BLTP2: variants seen among roughly 807,000 people sequenced by gnomAD.
BLTP2 encodes U937-associated antigen.
chr17:28,639,555 T>C, the BLTP2 span: 1 of 1,613,784 alleles, frequency 6.2e-7, no homozygotes, highest in Non-Finnish European at 8.5e-7. Flanking sequence ...GAACAATTCT[T>C]GGTACCACAA....
the BLTP2 span, chr17:28,643,667 A>C: frequency 6.2e-7 from 1 of 1,613,994 alleles, no homozygotes. Context: ...TTCCTAAAAC[A>C]GTGAGGGAGA....
the BLTP2 span, chr17:28,634,650 G>A: frequency 2.2e-5 from 36 of 1,614,082 alleles, no homozygotes; most frequent in Non-Finnish European, 3.0e-5. Flanking sequence ...CATGGAAGGA[G>A]GCATCTGCCA....
the BLTP2 span, chr17:28,631,464 T>C: frequency 3.7e-6 from 6 of 1,609,786 alleles, no homozygotes; most frequent in Admixed American, 1.7e-5. Flanking sequence ...ATAAAGAAAG[T>C]GTGTCAGGGA....
chr17:28,639,100 C>G, the BLTP2 span: 1 of 587,444 alleles, frequency 1.7e-6, no homozygotes, highest in Middle Eastern at 3.9e-4. Context: ...AAACACTACA[C>G]TGAGCACCGA....
the BLTP2 span, among the ~76,000 whole-genome samples, chr17:28,628,961 G>C: frequency 3.3e-5 from 5 of 151,682 alleles, no homozygotes; most frequent in Admixed American, 1.3e-4. Context: ...CACTGGGCGT[G>C]GTGGGGAGAC....
the BLTP2 span, chr17:28,635,754 G>T: frequency 2.5e-6 from 2 of 784,344 alleles, no homozygotes; most frequent in Non-Finnish European, 3.9e-6. Flanking sequence ...TTACTGCCTT[G>T]CTTTGTTCCT....
chr17:28,643,392 C>T, the BLTP2 span: 1 of 1,558,368 alleles, frequency 6.4e-7, no homozygotes, highest in Non-Finnish European at 8.8e-7. Context: ...TTCACTTTCT[C>T]ATCCTTCCTA....
chr17:28,614,461 CTT>C, the BLTP2 span: 12 of 420,508 alleles, frequency 2.9e-5, no homozygotes, highest in African/African-American at 1.4e-4. Context: ...TTTAAAATAT[CTT>C]TTTTTTTCTC....
chr17:28,644,749 G>A, the BLTP2 span, among the ~76,000 whole-genome samples: 1 of 152,180 alleles, frequency 6.6e-6, no homozygotes, highest in Non-Finnish European at 1.5e-5. Flanking sequence ...CCTGGCCTCA[G>A]CATTTCCTCA....
At chr17:28,644,373 C>A in the BLTP2 span, among the ~76,000 whole-genome samples, 5 of 152,256 alleles carry the variant, frequency 3.3e-5, no homozygotes, top group Non-Finnish European at 5.9e-5. Flanking sequence ...TAGCTCCCGA[C>A]TGACCCCTCC....
the BLTP2 span, among the ~76,000 whole-genome samples, chr17:28,629,468 TTTTA>T: frequency 3.9e-5 from 6 of 151,996 alleles, no homozygotes; most frequent in East Asian, 1.9e-4. Flanking sequence ...TTTATTTATT[TTTTA>T]TTTATTTATT....
chr17:28,616,585 ATTC>A, the BLTP2 span: 15 of 1,614,004 alleles, frequency 9.3e-6, no homozygotes, highest in Non-Finnish European at 1.3e-5. The surrounding 1 kb of genome is among the most constrained non-coding windows in gnomAD (Gnocchi z 4.8). Flanking sequence ...TTGCTACCCT[ATTC>A]TTCTGGGGCT....
chr17:28,641,994 T>A, the BLTP2 span: 1 of 1,614,088 alleles, frequency 6.2e-7, no homozygotes, highest in Non-Finnish European at 8.5e-7. Context: ...ACATCCACAG[T>A]GATAGCAGTG....
chr17:28,643,723 A>G, the BLTP2 span: 51 of 1,468,438 alleles, frequency 3.5e-5, no homozygotes, highest in African/African-American at 6.3e-4. Flanking sequence ...CAGCTTGACA[A>G]GCCAGGAAAT....
chr17:28,631,702 G>A, the BLTP2 span: 7 of 1,613,444 alleles, frequency 4.3e-6, no homozygotes, highest in Admixed American at 1.2e-4. Flanking sequence ...GAGGCACACA[G>A]AGACCATGCT....
the BLTP2 span, chr17:28,640,176 C>G: frequency 1.2e-6 from 1 of 804,740 alleles, no homozygotes; most frequent in Non-Finnish European, 1.9e-6. Flanking sequence ...AGGGGGATCA[C>G]GAGGTCAGGA....
At chr17:28,643,012 C>T in the BLTP2 span, 13 of 1,526,208 alleles carry the variant, frequency 8.5e-6, no homozygotes, top group Non-Finnish European at 1.2e-5. Context: ...CAAGGATGAA[C>T]AATAATTAAT....
the BLTP2 span, among the ~76,000 whole-genome samples, chr17:28,626,900 T>C: frequency 6.6e-6 from 1 of 152,064 alleles, no homozygotes; most frequent in Non-Finnish European, 1.5e-5. Context: ...AAGGAGGGGG[T>C]TGTGGGAACC....
At chr17:28,623,164 AG>A in the BLTP2 span, among the ~76,000 whole-genome samples, 1 of 152,168 alleles carries the variant, frequency 6.6e-6, no homozygotes, top group Non-Finnish European at 1.5e-5. Context: ...AAAAAATAAG[AG>A]TACTTTCCAC....
Sources: allele counts gnomAD v4.1 joint callset (sites outside exome capture counted in the v4.1 genomes callset), GRCh38; gene constraint gnomAD v4.1.1; non-coding constraint Gnocchi (gnomAD v3.1); transcripts MANE v1.5; gene names NCBI Gene and HGNC (gene_info 2026-07-23, HGNC 2026-07-21).